The following CAMTA1 variants were observed in gnomAD, a reference collection of about 807,000 sequenced individuals.
The protein encoded by CAMTA1 is calmodulin binding transcription activator 1.
Under a neutral mutation model 170.9 loss-of-function variants are expected in CAMTA1, and 27 were observed. The observed-to-expected ratio is 0.16, with a 90% CI of 0.12 to 0.22. The LOEUF (loss-of-function observed/expected upper bound fraction) is 0.22, where lower values mean the gene tolerates loss of function less well. CAMTA1 is among the 10% of genes least tolerant of loss of function. The pLI, the probability that CAMTA1 is intolerant of heterozygous loss-of-function variation, is 1.00. For missense variants in CAMTA1, 1,619 were observed against 2,217.2 expected (o/e 0.73, Z 5.42); for synonymous variants, 833 against 891.5 (o/e 0.93, Z 1.17).
intron 3 of CAMTA1, among the ~76,000 whole-genome samples, chr1:6,881,903 G>T (rs1037345235): frequency 4.6e-5 from 7 of 152,258 alleles, no homozygotes; most frequent in Admixed American, 1.3e-4. Flanking sequence ...GGAGGCAGAG[G>T]TTGCAGTGAG....
intron 11 of CAMTA1, among the ~76,000 whole-genome samples, chr1:7,705,857 C>G (rs1029325205): frequency 6.6e-6 from 1 of 152,300 alleles, no homozygotes; most frequent in Admixed American, 6.5e-5. Flanking sequence ...AGCTTTGCTT[C>G]CCTGCAGACT....
chr1:7,127,079 ACTT>A (rs1644977899), intron 4 of CAMTA1, among the ~76,000 whole-genome samples: 1 of 151,958 alleles, frequency 6.6e-6, no homozygotes. Context: ...CAGGACTGCC[ACTT>A]CTTTGTAGGG....
chr1:7,187,049 A>G (rs924670853), intron 4 of CAMTA1, among the ~76,000 whole-genome samples: 4 of 152,158 alleles, frequency 2.6e-5, no homozygotes, highest in Middle Eastern at 3.4e-3. Flanking sequence ...GGAGGTGCTC[A>G]CCTGTGATGG....
intron 4 of CAMTA1, among the ~76,000 whole-genome samples, chr1:7,186,425 C>T (rs570994619): frequency 6.6e-6 from 1 of 152,234 alleles, no homozygotes; most frequent in Admixed American, 6.5e-5. Context: ...GAAATGATAG[C>T]TTTGATGATC....
chr1:7,374,566 C>T (rs1029821542), intron 5 of CAMTA1, among the ~76,000 whole-genome samples: 1 of 152,232 alleles, frequency 6.6e-6, no homozygotes, highest in Admixed American at 6.5e-5. Flanking sequence ...TTGGAGACTT[C>T]CAGCACCTTG....
intron 3 of CAMTA1, among the ~76,000 whole-genome samples, chr1:7,052,237 G>A (rs1012115098): frequency 2.7e-5 from 4 of 148,820 alleles, no homozygotes; most frequent in Admixed American, 6.7e-5. Flanking sequence ...GGTCGCTGGC[G>A]GGTTCTTGTC....
At position 7,443,182 on chromosome 1, in the gene CAMTA1, A is replaced by C. The variant is rs1418481972; in HGVS notation, c.439-24648A>C. 6.6e-6 allele frequency among the ~76,000 whole-genome samples: 1 copy of C among 152,206 alleles called. No homozygotes were observed. The highest frequency in any genetic ancestry group is 1.5e-5 in the Non-Finnish European group (1 of 68,034). On this transcript the variant is annotated intron_variant, in intron 5 of 22. Transcript: ENST00000303635. This position sits in a 1 kb window ranked among gnomAD's most constrained non-coding sequence, Gnocchi z 4.1. ...GCAAAGCATAAGGCTTCGGGTTCCC[A>C]GCTCAGTCACACATAAGCTTCATAC...
intron 5 of CAMTA1, among the ~76,000 whole-genome samples, chr1:7,267,071 C>T (rs1349017497): frequency 6.6e-6 from 1 of 152,132 alleles, no homozygotes; most frequent in Non-Finnish European, 1.5e-5. Flanking sequence ...GTCCCTTAGA[C>T]CCTCTGGCTG....
intron 4 of CAMTA1, among the ~76,000 whole-genome samples, chr1:7,230,432 AC>A (rs66934266): frequency 0.026 from 978 of 38,210 alleles, 32 homozygotes; most frequent in African/African-American, 0.067. Context: ...CTCTGGGCTG[AC>A]CCCCCCCCCC....
At chr1:7,618,657 A>G (rs2095576649) in intron 6 of CAMTA1, among the ~76,000 whole-genome samples, 1 of 152,244 alleles carries the variant, frequency 6.6e-6, no homozygotes, top group Admixed American at 6.5e-5. Context: ...GCTATCAAAC[A>G]GGAAGAAACA....
intron 3 of CAMTA1, among the ~76,000 whole-genome samples, chr1:6,848,506 C>T (rs1164309617): frequency 6.6e-6 from 1 of 152,126 alleles, no homozygotes; most frequent in Non-Finnish European, 1.5e-5. Flanking sequence ...TATGCAGTTA[C>T]CCTGTGGACC....
chr1:7,063,823 C>T lies in CAMTA1; in HGVS notation c.235-27481C>T, dbSNP rs186218578. 1.1e-3 allele frequency among the ~76,000 whole-genome samples: 171 copies of T among 152,342 alleles called. No individual in the cohort carries two copies. The highest frequency in any genetic ancestry group is 3.4e-3 in the Middle Eastern group (1 of 294). ...GTGGTGAATAAGTTGGGGACATTTT[C>T]TGCCTCCTGAAGTTCATATTTTGTT... On this transcript the variant is annotated intron_variant, in intron 3 of 22. Coordinates refer to ENST00000303635, the MANE Select transcript of CAMTA1 (RefSeq NM_015215.4). This position sits in a 1 kb window ranked among gnomAD's most constrained non-coding sequence, Gnocchi z 4.3.
intron 3 of CAMTA1, among the ~76,000 whole-genome samples, chr1:6,980,079 G>C (rs1284100669): frequency 6.6e-6 from 1 of 152,154 alleles, no homozygotes; most frequent in African/African-American, 2.4e-5. Context: ...TTTTCTTTCA[G>C]AGAGAAGCAC....
chr1:7,672,483 G>A (rs999831420), intron 10 of CAMTA1, among the ~76,000 whole-genome samples: 3 of 152,072 alleles, frequency 2.0e-5, no homozygotes, highest in Non-Finnish European at 2.9e-5. Flanking sequence ...GTGCAGTGAT[G>A]CAATCTCGGC....
intron 3 of CAMTA1, among the ~76,000 whole-genome samples, chr1:7,049,737 GTGCAAGAGATTACA>G (rs1706010280): frequency 6.6e-6 from 1 of 152,188 alleles, no homozygotes; most frequent in Non-Finnish European, 1.5e-5. Context: ...GGATCCCAAA[GTGCAAGAGATTACA>G]TGCCTGGCTC....
At chr1:7,763,727 A>G (rs888892267) in intron 22 of CAMTA1, among the ~76,000 whole-genome samples, 6 of 152,208 alleles carry the variant, frequency 3.9e-5, no homozygotes, top group Admixed American at 2.0e-4. Context: ...TCTCCTTTTT[A>G]TTTCATCTCA....
At chr1:7,495,390 A>G (rs981763479) in intron 6 of CAMTA1, among the ~76,000 whole-genome samples, 7 of 152,090 alleles carry the variant, frequency 4.6e-5, no homozygotes, top group Non-Finnish European at 1.0e-4. Context: ...GAGCGTAGGG[A>G]GAGGAGGCGA....
intron 6 of CAMTA1, among the ~76,000 whole-genome samples, chr1:7,611,027 C>T (rs1213610904): frequency 6.6e-6 from 1 of 152,216 alleles, no homozygotes; most frequent in Non-Finnish European, 1.5e-5. Context: ...CCTGTGCAGT[C>T]CTGGACAAAT....
intron 6 of CAMTA1, among the ~76,000 whole-genome samples, chr1:7,469,489 C>A (rs1048463957): frequency 1.1e-4 from 17 of 152,230 alleles, no homozygotes; most frequent in African/African-American, 3.9e-4. Context: ...CCAAAGCAGC[C>A]TGCAGCCCTG....
Sources: gnomAD v4.1 joint callset for allele counts (sites outside exome capture counted in the v4.1 genomes callset) on GRCh38, gnomAD v4.1.1 for gene constraint, Gnocchi (gnomAD v3.1) non-coding constraint, MANE v1.5 for transcripts, NCBI Gene and HGNC (gene_info 2026-07-23, HGNC 2026-07-21) for gene names.